The following FSTL5 variants were observed in gnomAD, a reference collection of about 807,000 sequenced individuals.
FSTL5 encodes the protein follistatin like 5.
Under a neutral mutation model 89.1 loss-of-function variants are expected in FSTL5, and 62 were observed. That is an observed-to-expected ratio of 0.70 (90% CI 0.57 to 0.86). FSTL5 has a LOEUF of 0.86. FSTL5 is among the 40% of genes least tolerant of loss of function. The pLI is 0.00. For synonymous variants in FSTL5, 383 were observed against 346.2 expected (o/e 1.11, Z -1.18); for missense variants, 1,057 against 1,001.6 (o/e 1.06, Z -0.75).
At chr4:161,498,961 G>A (rs915171773) in intron 12 of FSTL5, among the ~76,000 whole-genome samples, 5 of 152,064 alleles carry the variant, frequency 3.3e-5, no homozygotes, top group East Asian at 3.9e-4. Context: ...AGAACTTTGC[G>A]AGGCCGAGGA....
intron 1 of FSTL5, among the ~76,000 whole-genome samples, chr4:162,123,337 G>A (rs1364511529): frequency 6.6e-6 from 1 of 152,174 alleles, no homozygotes; most frequent in Non-Finnish European, 1.5e-5. Context: ...TCAGAATACT[G>A]TGGAGAGTCT....
intron 3 of FSTL5, among the ~76,000 whole-genome samples, chr4:161,984,294 T>C (rs922164693): frequency 2.0e-5 from 3 of 152,236 alleles, no homozygotes; most frequent in Non-Finnish European, 4.4e-5. Context: ...CTTTCAAGTT[T>C]ATCTGCTATA....
intron 4 of FSTL5, among the ~76,000 whole-genome samples, chr4:161,904,166 C>T (rs17536739): frequency 0.33 from 50,744 of 151,478 alleles, 9,407 homozygotes; most frequent in Non-Finnish European, 0.39. Context: ...ATAACAGAGA[C>T]TCACAAGCAA....
At chr4:162,095,739 G>T (rs1468924455) in intron 2 of FSTL5, among the ~76,000 whole-genome samples, 1 of 151,886 alleles carries the variant, frequency 6.6e-6, no homozygotes, top group African/African-American at 2.4e-5. Context: ...TACTTTTGGA[G>T]AACACATAGT....
chr4:161,590,982 G>T (rs1005511875), intron 7 of FSTL5, among the ~76,000 whole-genome samples: 1 of 152,156 alleles, frequency 6.6e-6, no homozygotes, highest in Non-Finnish European at 1.5e-5. Flanking sequence ...AATGTGCATA[G>T]CTATATTTAT....
chr4:161,800,852 G>A (rs920145806), intron 4 of FSTL5, among the ~76,000 whole-genome samples: 1 of 151,324 alleles, frequency 6.6e-6, no homozygotes, highest in East Asian at 1.9e-4. Flanking sequence ...CTTCTTATAG[G>A]AGCCCACACA....
intron 13 of FSTL5, among the ~76,000 whole-genome samples, chr4:161,463,361 T>A (rs915271618): frequency 6.6e-6 from 1 of 152,194 alleles, no homozygotes; most frequent in Non-Finnish European, 1.5e-5. Flanking sequence ...CATACTTTAT[T>A]TGGAAAAATT....
intron 2 of FSTL5, among the ~76,000 whole-genome samples, chr4:162,054,896 A>G (rs930576094): frequency 7.9e-5 from 12 of 151,854 alleles, no homozygotes; most frequent in African/African-American, 2.9e-4. Flanking sequence ...TTGCAAAACT[A>G]CCTTTTGTCC....
chr4:161,792,891 A>G (rs1401688225), intron 4 of FSTL5, among the ~76,000 whole-genome samples: 2 of 152,222 alleles, frequency 1.3e-5, no homozygotes, highest in African/African-American at 4.8e-5. Flanking sequence ...CAGGGCTGAA[A>G]CATCCCCTCC....
intron 4 of FSTL5, among the ~76,000 whole-genome samples, chr4:161,876,968 A>T (rs13134618): frequency 0.86 from 129,989 of 151,824 alleles, 56,824 homozygotes; most frequent in East Asian, 0.98. Flanking sequence ...GCGGATCACC[A>T]GAGGTCGGGA....
At chr4:162,085,106 T>C (rs1351767667) in intron 2 of FSTL5, among the ~76,000 whole-genome samples, 1 of 151,902 alleles carries the variant, frequency 6.6e-6, no homozygotes, top group African/African-American at 2.4e-5. Context: ...CCCATAAAAA[T>C]AAGACAAAAT....
intron 3 of FSTL5, among the ~76,000 whole-genome samples, chr4:161,976,066 C>A (rs919158748): frequency 7.1e-6 from 1 of 140,964 alleles, no homozygotes; most frequent in Admixed American, 7.7e-5. Context: ...TGCAGTGAGC[C>A]GAGATCGCGT....
At chr4:162,031,557 A>G (rs1248907518) in intron 3 of FSTL5, among the ~76,000 whole-genome samples, 1 of 152,150 alleles carries the variant, frequency 6.6e-6, no homozygotes, top group Admixed American at 6.6e-5. Context: ...TGATTCCCAT[A>G]AATAGTCAAG....
intron 4 of FSTL5, among the ~76,000 whole-genome samples, chr4:161,829,016 A>G (rs976781441): frequency 6.6e-6 from 1 of 151,732 alleles, no homozygotes; most frequent in Non-Finnish European, 1.5e-5. Flanking sequence ...AAGTTATTCA[A>G]GGAATTAAAT....
chr4:161,458,532 T>A (rs921356941), intron 14 of FSTL5, among the ~76,000 whole-genome samples: 9 of 152,164 alleles, frequency 5.9e-5, no homozygotes, highest in African/African-American at 2.2e-4. Flanking sequence ...CAAAAGTTAA[T>A]AATTTGGGGT....
chr4:161,671,040 T>A (rs1010382249), intron 6 of FSTL5, among the ~76,000 whole-genome samples: 7 of 152,246 alleles, frequency 4.6e-5, no homozygotes, highest in Non-Finnish European at 8.8e-5. Flanking sequence ...GAGAGTTGGC[T>A]ATTCTCAAGG....
At chr4:161,748,426 T>C (rs957442421) in intron 6 of FSTL5, among the ~76,000 whole-genome samples, 6 of 152,118 alleles carry the variant, frequency 3.9e-5, no homozygotes, top group African/African-American at 1.4e-4. Flanking sequence ...AATTATTACA[T>C]TCCATGTATC....
At chr4:162,129,200 T>C (rs530569624) in intron 1 of FSTL5, among the ~76,000 whole-genome samples, 1 of 152,358 alleles carries the variant, frequency 6.6e-6, no homozygotes, top group East Asian at 1.9e-4. Flanking sequence ...TCCAAAGTGC[T>C]GGGATTACAG....
chr4:161,586,102 G>A (rs748232977), intron 8 of FSTL5, among the ~76,000 whole-genome samples: 4 of 152,038 alleles, frequency 2.6e-5, no homozygotes, highest in Non-Finnish European at 4.4e-5. Flanking sequence ...TCCAGTACAC[G>A]TACTTCTCAT....
Sources: allele counts gnomAD v4.1 joint callset (sites outside exome capture counted in the v4.1 genomes callset), GRCh38; gene constraint gnomAD v4.1.1; transcripts MANE v1.5; gene names NCBI Gene and HGNC (gene_info 2026-07-23, HGNC 2026-07-21).